Variants in IQCM observed in about 807,000 individuals in gnomAD.
IQCM encodes the protein IQ domain-containing protein M.
Under a neutral mutation model 57.6 loss-of-function variants are expected in IQCM, and 45 were observed. The ratio of observed to expected loss-of-function variants is 0.78; its 90% CI spans 0.62 to 1.00. The LOEUF (loss-of-function observed/expected upper bound fraction) is 1.00. IQCM is among the 50% of genes least tolerant of loss of function. The probability of loss-of-function intolerance (pLI) is 0.00; values close to 1 mark genes in which losing one functional copy is unlikely to be tolerated. For missense variants in IQCM, 468 were observed against 511.6 expected (o/e 0.91, Z 0.82); for synonymous variants, 148 against 158.9 (o/e 0.93, Z 0.51).
chr4:149,370,853 T>C (rs1177060236), intron 13 of IQCM, among the ~76,000 whole-genome samples: 1 of 152,152 alleles, frequency 6.6e-6, no homozygotes, highest in Non-Finnish European at 1.5e-5. Flanking sequence ...CTATATTAAA[T>C]TCTAGCAAAT....
intron 7 of IQCM, among the ~76,000 whole-genome samples, chr4:149,632,963 C>T (rs1256179137): frequency 1.3e-5 from 2 of 151,272 alleles, no homozygotes; most frequent in African/African-American, 4.9e-5. Context: ...AGATCGAGAC[C>T]ATCCTGGCTA....
chr4:149,502,448 G>C (rs1560921997), intron 12 of IQCM, among the ~76,000 whole-genome samples: 1 of 151,908 alleles, frequency 6.6e-6, no homozygotes, highest in Non-Finnish European at 1.5e-5. Flanking sequence ...TGAGAGGATG[G>C]CTTGAGCCCA....
chr4:149,746,632 A>G (rs1208944966), intron 2 of IQCM, among the ~76,000 whole-genome samples: 1 of 152,032 alleles, frequency 6.6e-6, no homozygotes, highest in Admixed American at 6.5e-5. Context: ...CCATTCCACA[A>G]CTCCACACAG....
intron 12 of IQCM, among the ~76,000 whole-genome samples, chr4:149,503,568 TAA>T (rs1444503588): frequency 6.6e-6 from 1 of 152,170 alleles, no homozygotes; most frequent in Non-Finnish European, 1.5e-5. Context: ...ATGTAAATGC[TAA>T]AGACTTACAT....
intron 2 of IQCM, among the ~76,000 whole-genome samples, chr4:149,799,345 GT>G (rs939969403): frequency 1.3e-5 from 2 of 151,302 alleles, no homozygotes; most frequent in African/African-American, 4.8e-5. Context: ...CAGCAGAAAA[GT>G]ACTAAAAGGA....
intron 7 of IQCM, among the ~76,000 whole-genome samples, chr4:149,676,000 TTTTTTTCTTTTGAAAAAGTCTCTTAAAG>T: frequency 6.6e-6 from 1 of 152,140 alleles, no homozygotes; most frequent in African/African-American, 2.4e-5. Context: ...CATTATTAGC[TTTTTTTCTTTTGAAAAAGTCTCTTAAAG>T]TGTTTCTCTT....
intron 2 of IQCM, among the ~76,000 whole-genome samples, chr4:149,747,907 A>G (rs1450547203): frequency 6.6e-6 from 1 of 152,188 alleles, no homozygotes; most frequent in African/African-American, 2.4e-5. Context: ...ACTTTAGCTA[A>G]CACAAAGCTC....
At chr4:149,788,161 C>CT (rs1772243232) in intron 2 of IQCM, among the ~76,000 whole-genome samples, 1 of 152,092 alleles carries the variant, frequency 6.6e-6, no homozygotes. Flanking sequence ...TGGTGAAACT[C>CT]TGTCTCTACT....
At position 149,437,327 on chromosome 4, in the gene IQCM, T is replaced by C. The variant is rs563273512; in HGVS notation, c.1229-3770A>G. On this transcript the variant is annotated intron_variant, in intron 12 of 13. Transcript: ENST00000636793. ...CAGCATATAGCTCTTTCCTGGAGGT[T>C]TACTGATGTTAGTCTTCTCCACAAA... 7.2e-5 allele frequency among the ~76,000 whole-genome samples: 11 copies of C among 152,214 alleles called. No individual in the cohort carries two copies. The East Asian group carries it at 2.1e-3, about 29-fold the overall frequency.
At chr4:149,395,920 T>C (rs1732193896) in intron 13 of IQCM, among the ~76,000 whole-genome samples, 1 of 151,962 alleles carries the variant, frequency 6.6e-6, no homozygotes, top group South Asian at 2.1e-4. Flanking sequence ...CCAATTAGCG[T>C]TACTTCTGAG....
chr4:149,532,173 C>T (rs934852349), intron 12 of IQCM, among the ~76,000 whole-genome samples: 3 of 151,992 alleles, frequency 2.0e-5, no homozygotes, highest in Non-Finnish European at 4.4e-5. Flanking sequence ...GATACAGTCT[C>T]GGTATACATG....
At chr4:149,456,277 G>A (rs1195865808) in intron 12 of IQCM, among the ~76,000 whole-genome samples, 1 of 152,070 alleles carries the variant, frequency 6.6e-6, no homozygotes, top group Non-Finnish European at 1.5e-5. Context: ...CTGTGTCCTT[G>A]TGTCTTCAGA....
chr4:149,750,316 T>G (rs1237007827), intron 2 of IQCM, among the ~76,000 whole-genome samples: 1 of 152,208 alleles, frequency 6.6e-6, no homozygotes, highest in Non-Finnish European at 1.5e-5. Context: ...CATTCAGTCA[T>G]TGAATACAAC....
At chr4:149,408,003 C>T (rs1056801017) in intron 13 of IQCM, among the ~76,000 whole-genome samples, 1 of 152,152 alleles carries the variant, frequency 6.6e-6, no homozygotes, top group Non-Finnish European at 1.5e-5. Flanking sequence ...TCACCAACAT[C>T]TGCTGTTTTT....
chr4:149,356,476 T>A (rs1222061013), intron 13 of IQCM, among the ~76,000 whole-genome samples: 2 of 151,928 alleles, frequency 1.3e-5, no homozygotes, highest in East Asian at 1.9e-4. Flanking sequence ...TAGCCAGTTT[T>A]CCCAGCACCA....
intron 13 of IQCM, among the ~76,000 whole-genome samples, chr4:149,418,014 G>A (rs888699813): frequency 6.6e-6 from 1 of 151,210 alleles, no homozygotes. Context: ...AAAAAGCTAG[G>A]AAGATCTCAA....
At chr4:149,514,911 C>G (rs1324027687) in intron 12 of IQCM, among the ~76,000 whole-genome samples, 2 of 152,156 alleles carry the variant, frequency 1.3e-5, no homozygotes, top group African/African-American at 2.4e-5. Context: ...CAACATCTTT[C>G]TTCTGTGCTG....
In IQCM at chr4:149,666,517, G is replaced by A. The variant is rs756427598; in HGVS notation, c.565+15601C>T. Among the ~76,000 whole-genome samples the A allele has an allele frequency of 5.9e-5, 9 of 152,122 alleles. 1 individual carries two copies. The highest frequency in any genetic ancestry group is 1.9e-4 in the East Asian group (1 of 5,144). On this transcript the variant is annotated intron_variant, in intron 7 of 13. Coordinates refer to ENST00000636793, the MANE Select transcript of IQCM (RefSeq NM_001363507.2). The stretch of plus-strand genomic sequence containing the variant: ...CTGGGCGGCCATTTGGGCAGACACC[G>A]AGCTAGCTGCAGGAGTTTTTGTTCA...
chr4:149,724,328 A>T (rs2149863716), intron 5 of IQCM, among the ~76,000 whole-genome samples: 1 of 152,074 alleles, frequency 6.6e-6, no homozygotes, highest in South Asian at 2.1e-4. Flanking sequence ...GCACAAAGTC[A>T]TTTTTTTCTG....
Sources: gnomAD v4.1 joint callset for allele counts (sites outside exome capture counted in the v4.1 genomes callset) on GRCh38, gnomAD v4.1.1 for gene constraint, MANE v1.5 for transcripts, NCBI Gene and HGNC (gene_info 2026-07-23, HGNC 2026-07-21) for gene names.